The following ABCA3 variants were observed in gnomAD, a reference collection of about 807,000 sequenced individuals.
ABCA3 encodes the protein phospholipid-transporting ATPase ABCA3.
In ABCA3, 88 loss-of-function variants were observed where a neutral mutation model predicts 172.8. That is an observed-to-expected ratio of 0.51 (90% CI 0.43 to 0.61). The LOEUF (loss-of-function observed/expected upper bound fraction) is 0.61, where lower values mean the gene tolerates loss of function less well. ABCA3 is among the 20% of genes least tolerant of loss of function. ABCA3 has a pLI of 0.00. For synonymous variants in ABCA3, 1,066 were observed against 983.8 expected (o/e 1.08, Z -1.56); for missense variants, 2,164 against 2,301.0 (o/e 0.94, Z 1.22).
rs768282471 is a variant in ABCA3 at position 2,283,206 on chromosome 16, G to C, written c.4015C>G (p.Leu1339Val). The stretch of plus-strand genomic sequence containing the variant: ...CTCACCAGTGTCCGCCTCCTCCGGA[G>C]GGCGCAGAGGATGCCCCTGAGTCTC... ...LQRLRGILCA[L>V]RRRRTLTELY... Residue 1339 changes from leucine to valine, a missense_variant, in exon 26 of 33, where the codon CTC becomes GTC. Leu to Val is a conservative substitution (Grantham distance 32). Around this residue, in one of 3 missense-constraint regions of ABCA3, gnomAD observed 795 missense variants for 881.9 expected, o/e 0.90. Transcript: ENST00000301732. The surrounding 1 kb of genome is among the most constrained non-coding windows in gnomAD (Gnocchi z 5.4). The C allele has an allele frequency of 1.9e-6, 3 of 1,613,286 alleles. No individual in the cohort carries two copies. Among genetic ancestry groups the C allele is most frequent in the South Asian group, 1.1e-5 (1 of 91,064 alleles).
intron 6 of ABCA3, 126 bp downstream of exon 6, chr16:2,324,278 A>T (rs1354681669): frequency 2.8e-5 from 38 of 1,368,910 alleles, no homozygotes; most frequent in Non-Finnish European, 3.7e-5. Context: ...AGTGACTGCT[A>T]TTGACTTGCA....
rs926118111 is a variant in ABCA3 at position 2,278,510 on chromosome 16, G to A, written c.4548-52C>T. The A allele has an allele frequency of 1.3e-6, 2 of 1,597,944 alleles. No homozygotes were observed. The highest frequency in any genetic ancestry group is 1.7e-6 in the Non-Finnish European group (2 of 1,176,048). On this transcript the variant is annotated intron_variant, in intron 29 of 32. Coordinates refer to ENST00000301732, the MANE Select transcript of ABCA3 (RefSeq NM_001089.3). The surrounding 1 kb of genome is among the most constrained non-coding windows in gnomAD (Gnocchi z 4.4). ...GGAATAAGGCTGAGAGTTAGCATTG[G>A]CTCCCATGTCCCAGTGGAGGCCCGT...
chr16:2,313,076 A>G (rs1446456512), intron 10 of ABCA3, among the ~76,000 whole-genome samples: 1 of 152,078 alleles, frequency 6.6e-6, no homozygotes, highest in East Asian at 1.9e-4. Context: ...AATTTAAAAA[A>G]TAAGCTGGCA....
At position 2,278,509 on chromosome 16, in the gene ABCA3, G is replaced by T. The variant is rs757045570; in HGVS notation, c.4548-51C>A. 5.6e-6 allele frequency: 9 copies of T among 1,598,852 alleles called. No homozygotes were observed. The highest frequency in any genetic ancestry group is 3.3e-4 in the Middle Eastern group (2 of 5,994). ...GGGAATAAGGCTGAGAGTTAGCATT[G>T]GCTCCCATGTCCCAGTGGAGGCCCG... On this transcript the variant is annotated intron_variant, in intron 29 of 32. Coordinates refer to ENST00000301732, the MANE Select transcript of ABCA3 (RefSeq NM_001089.3). This position sits in a 1 kb window ranked among gnomAD's most constrained non-coding sequence, Gnocchi z 4.4.
At chr16:2,301,039 G>A (rs571310955) in intron 12 of ABCA3, among the ~76,000 whole-genome samples, 1 of 150,062 alleles carries the variant, frequency 6.7e-6, no homozygotes, top group Admixed American at 6.6e-5. Flanking sequence ...GACCATCCTG[G>A]CTAACACGGT....
chr16:2,303,923 T>C, intron 12 of ABCA3, 46 bp downstream of exon 12: 2 of 1,611,020 alleles, frequency 1.2e-6, no homozygotes. Flanking sequence ...GGGACACCTC[T>C]GCACTCAGAG....
chr16:2,304,368 C>T (rs1358144277), intron 11 of ABCA3, among the ~76,000 whole-genome samples: 3 of 152,156 alleles, frequency 2.0e-5, no homozygotes, highest in Admixed American at 6.5e-5. Flanking sequence ...AGACCAGCAA[C>T]AGCTCATTCA....
At position 2,286,603 on chromosome 16, in the gene ABCA3, C is replaced by A. The variant is rs2093663541; in HGVS notation, c.3278+91G>T. 6.5e-7 allele frequency: 1 copy of A among 1,539,114 alleles called. No homozygotes were observed. Among genetic ancestry groups the A allele is most frequent in the Non-Finnish European group, 8.8e-7 (1 of 1,131,514 alleles). Reference sequence around the variant, plus strand: ...CCCAGGGGCTTTGGGAGGGCAGACACAATGCTCTATCTATGGGCCCGTGGC... The same window carrying A: ...CCCAGGGGCTTTGGGAGGGCAGACAAAATGCTCTATCTATGGGCCCGTGGC... On this transcript the variant is annotated intron_variant, in intron 22 of 32. Coordinates refer to ENST00000301732, the MANE Select transcript of ABCA3 (RefSeq NM_001089.3). The surrounding 1 kb of genome is among the most constrained non-coding windows in gnomAD (Gnocchi z 5.2).
chr16:2,305,022 A>T (rs763156969), intron 11 of ABCA3, among the ~76,000 whole-genome samples: 1 of 152,096 alleles, frequency 6.6e-6, no homozygotes, highest in Non-Finnish European at 1.5e-5. Context: ...CGTGTTGCCC[A>T]GCCTGGTCTC....
intron 5 of ABCA3, among the ~76,000 whole-genome samples, chr16:2,325,291 A>G (rs1370237302): frequency 6.6e-6 from 1 of 152,146 alleles, no homozygotes; most frequent in East Asian, 1.9e-4. Flanking sequence ...GCATCCCTGT[A>G]AAGTCCTGTC....
chr16:2,278,181 T>G lies in ABCA3; in HGVS notation c.4718+107A>C. 1 of 1,595,512 alleles carries G rather than the reference T, an allele frequency of 6.3e-7. No individual in the cohort carries two copies. The highest frequency in any genetic ancestry group is 8.5e-7 in the Non-Finnish European group (1 of 1,173,310). On this transcript the variant is annotated intron_variant, in intron 30 of 32. Transcript: ENST00000301732. This position sits in a 1 kb window ranked among gnomAD's most constrained non-coding sequence, Gnocchi z 4.4. ...TCCTGATACCCATGCTCAGTGTGGC[T>G]CACGGGCAGACTCTGCACCAGATGC... is the stretch of plus-strand genomic sequence containing the variant.
intron 11 of ABCA3, among the ~76,000 whole-genome samples, chr16:2,304,851 A>G (rs1387123605): frequency 6.6e-6 from 1 of 151,472 alleles, no homozygotes; most frequent in Admixed American, 6.6e-5. Flanking sequence ...AATTTTTTGT[A>G]TTTTTAGTAG....
chr16:2,326,297 C>CG, intron 4 of ABCA3, 23 bp from the exon 5 acceptor site: 1 of 1,611,848 alleles, frequency 6.2e-7, no homozygotes, highest in Non-Finnish European at 8.5e-7. Context: ...CAATAGGGCA[C>CG]GGTGATGGGC....
chr16:2,275,989 T>C lies in ABCA3; in HGVS notation c.*685A>G, dbSNP rs1355470446. The C allele has an allele frequency of 1.7e-5, 4 of 229,214 alleles. No individual in the cohort carries two copies. The highest frequency in any genetic ancestry group is 8.8e-6 in the Non-Finnish European group (1 of 113,304). 14.2% of individuals were successfully genotyped at this position (229,214 alleles called of 1,614,324 possible). A position where few individuals can be genotyped will look rare whatever the true frequency, so the allele number is the denominator to read the frequency against. ...CCCTGCGTGTCCTGGGGCGGGCGAC[T>C]TCCTGAGGGTGCAGTGCTGGAAACA... On this transcript the variant is annotated 3_prime_UTR_variant, in exon 33 of 33. Coordinates refer to ENST00000301732, the MANE Select transcript of ABCA3 (RefSeq NM_001089.3).
At chr16:2,303,910 C>G (rs768514325) in intron 12 of ABCA3, 59 bp downstream of exon 12, 1 of 1,592,958 alleles carries the variant, frequency 6.3e-7, no homozygotes, top group East Asian at 2.2e-5. Flanking sequence ...TGAGCAGGTA[C>G]TGGGGACACC....
At chr16:2,299,873 C>T in intron 13 of ABCA3, 132 bp downstream of exon 13, 2 of 1,347,090 alleles carry the variant, frequency 1.5e-6, no homozygotes, top group South Asian at 1.2e-5. Flanking sequence ...GGGTTCCTGC[C>T]CTCCTTCAGG....
Position 2,285,677 on chromosome 16 carries a change from G to A in ABCA3, c.3279-31C>T, listed in dbSNP as rs752143076. ...GGGGACAGAGAAGGTCAGGGACGGA[G>A]CACAGCACGTCTGGGTGGCAGGAGA... On this transcript the variant is annotated intron_variant, in intron 22 of 32. Coordinates refer to ENST00000301732, the MANE Select transcript of ABCA3 (RefSeq NM_001089.3). The surrounding 1 kb of genome is among the most constrained non-coding windows in gnomAD (Gnocchi z 4.7). 5 of 1,549,104 alleles carry A rather than the reference G, an allele frequency of 3.2e-6. No individual in the cohort carries two copies. The South Asian group carries it at 6.0e-5, about 18-fold the overall frequency.
In ABCA3 at chr16:2,285,150, C is replaced by T. The variant is rs992738656; in HGVS notation, c.3484-152G>A. 2.7e-5 allele frequency: 26 copies of T among 949,862 alleles called. No homozygotes were observed. The African/African-American group carries it at 3.6e-4, about 13-fold the overall frequency. 58.8% of individuals were successfully genotyped at this position (949,862 alleles called of 1,614,324 possible). The stretch of plus-strand genomic sequence containing the variant: ...CCCCACAGGCCACGTCTGGCCCCCG[C>T]GGTGGCTTTCAGCCCCAGGACCCTC... On this transcript the variant is annotated intron_variant, in intron 23 of 32. Coordinates refer to ENST00000301732, the MANE Select transcript of ABCA3 (RefSeq NM_001089.3). The surrounding 1 kb of genome is among the most constrained non-coding windows in gnomAD (Gnocchi z 4.7).
intron 5 of ABCA3, 49 bp from the exon 6 acceptor site, chr16:2,324,580 C>G: frequency 6.2e-7 from 1 of 1,602,264 alleles, no homozygotes; most frequent in Non-Finnish European, 8.5e-7. Context: ...GGCCCTCCTG[C>G]TTGAAAAATC....
Sources: gnomAD v4.1 joint callset for allele counts (sites outside exome capture counted in the v4.1 genomes callset) on GRCh38, gnomAD v4.1.1 for gene constraint, gnomAD v4.1.1 regional missense constraint, Gnocchi (gnomAD v3.1) non-coding constraint, MANE v1.5 for transcripts, NCBI Gene and HGNC (gene_info 2026-07-23, HGNC 2026-07-21) for gene names.